The following EPC1 variants were observed in gnomAD, a reference collection of about 807,000 sequenced individuals.
EPC1 encodes enhancer of polycomb homolog 1.
EPC1 carries 12 observed loss-of-function variants against 98.4 expected under a neutral mutation model. That is an observed-to-expected ratio of 0.12 (90% CI 0.08 to 0.20). EPC1 has a LOEUF of 0.20. EPC1 is among the 10% of genes least tolerant of loss of function. The pLI is 1.00. For synonymous variants in EPC1, 357 were observed against 363.9 expected (o/e 0.98, Z 0.21); for missense variants, 729 against 990.5 (o/e 0.74, Z 3.54).
At chr10:32,328,654 C>T (rs981117349) in intron 1 of EPC1, among the ~76,000 whole-genome samples, 7 of 152,166 alleles carry the variant, frequency 4.6e-5, no homozygotes, top group African/African-American at 7.2e-5. Flanking sequence ...GGGAGTTCCC[C>T]ACCAGGGAGC....
intron 1 of EPC1, among the ~76,000 whole-genome samples, chr10:32,371,886 G>C (rs1341484181): frequency 2.7e-5 from 4 of 147,448 alleles, no homozygotes; most frequent in African/African-American, 7.3e-5. Flanking sequence ...CTGGGCAGCA[G>C]AGGGAGACTC....
rs115152782 is a variant in EPC1 at position 32,288,117 on chromosome 10, A to G, written c.976-843T>C. Among the ~76,000 whole-genome samples the G allele has an allele frequency of 8.2e-3, 1,242 of 152,258 alleles. 16 individuals are homozygous for G. The highest frequency in any genetic ancestry group is 0.029 in the African/African-American group (1,189 of 41,528). On this transcript the variant is annotated intron_variant, in intron 6 of 13. Coordinates refer to ENST00000319778, the MANE Select transcript of EPC1 (RefSeq NM_001272004.3). Reference sequence around the variant, plus strand: ...ATTCATGTTACATTTTATGTAGTTTATGACATTATGGTTTTTTGGGAAAAC... The same window carrying G: ...ATTCATGTTACATTTTATGTAGTTTGTGACATTATGGTTTTTTGGGAAAAC...
intron 2 of EPC1, among the ~76,000 whole-genome samples, chr10:32,294,645 T>C (rs1340892320): frequency 6.6e-6 from 1 of 152,218 alleles, no homozygotes; most frequent in Non-Finnish European, 1.5e-5. Context: ...GGGAGGATCT[T>C]AGATCTGCAA....
intron 1 of EPC1, among the ~76,000 whole-genome samples, chr10:32,327,392 T>C (rs1168997486): frequency 6.6e-6 from 1 of 152,152 alleles, no homozygotes; most frequent in Non-Finnish European, 1.5e-5. Context: ...TATTGGACAG[T>C]AGAGTGACTA....
intron 13 of EPC1, among the ~76,000 whole-genome samples, chr10:32,271,327 CAT>C (rs924448722): frequency 2.0e-4 from 30 of 152,084 alleles, no homozygotes; most frequent in Non-Finnish European, 2.1e-4. Context: ...TGTTCCAAAT[CAT>C]ATATGCAACA....
chr10:32,291,235 G>A lies in EPC1; in HGVS notation c.903C>T (p.Ile301=). Residue 301 remains isoleucine (I), a synonymous_variant, in exon 6 of 14, where the codon ATC becomes ATT. Transcript: ENST00000319778. ...QPMKPTYAIP[I]IPITNSSQFK... is the part of the protein sequence containing the mutation. ...ATTGACTGCTATTAGTAATAGGGATGATGGGGATGGCATAAGTAGGTTTCA... is the reference window on the plus strand; with the variant it reads ...ATTGACTGCTATTAGTAATAGGGATAATGGGGATGGCATAAGTAGGTTTCA... The A allele has an allele frequency of 6.2e-7, 1 of 1,613,864 alleles. No individual in the cohort carries two copies. The highest frequency in any genetic ancestry group is 8.5e-7 in the Non-Finnish European group (1 of 1,179,808).
intron 1 of EPC1, among the ~76,000 whole-genome samples, chr10:32,323,078 T>C (rs1407536748): frequency 6.6e-6 from 1 of 151,458 alleles, no homozygotes; most frequent in Non-Finnish European, 1.5e-5. Context: ...CATTGTATGC[T>C]TGTATCAAAA....
rs1331966236 is a variant in EPC1, at chr10:32,286,963, A to T, written c.1205T>A (p.Phe402Tyr). 3.1e-6 allele frequency: 5 copies of T among 1,613,834 alleles called. No homozygotes were observed. The highest frequency in any genetic ancestry group is 4.2e-6 in the Non-Finnish European group (5 of 1,179,970). ...ACAGCCTGCTTTCCTACGGAAAGCA[A>T]AAGGACCATCAGGATCATTGTCTTC... is the stretch of plus-strand genomic sequence containing the variant. Reference protein sequence around the residue: ...AEEDNDPDGPFAFRRKAGCQY... With the variant: ...AEEDNDPDGPYAFRRKAGCQY... The change falls in exon 8 of 14, where the codon TTT becomes TAT. Residue 402 changes from phenylalanine to tyrosine, a missense_variant. Around this residue, in one of 6 missense-constraint regions of EPC1, gnomAD observed 390 missense variants for 438.6 expected, o/e 0.89. Transcript: ENST00000319778.
chr10:32,343,857 C>T (rs897004443), intron 1 of EPC1, among the ~76,000 whole-genome samples: 7 of 152,084 alleles, frequency 4.6e-5, no homozygotes, highest in African/African-American at 1.4e-4. Flanking sequence ...CAAGTATATC[C>T]AGAAACAACG....
intron 1 of EPC1, among the ~76,000 whole-genome samples, chr10:32,366,347 A>G (rs1489510018): frequency 6.6e-6 from 1 of 152,190 alleles, no homozygotes; most frequent in East Asian, 1.9e-4. Flanking sequence ...ACAAGCAGGC[A>G]CACCCTGCTT....
intron 1 of EPC1, among the ~76,000 whole-genome samples, chr10:32,332,167 CT>C (rs981968294): frequency 2.0e-5 from 3 of 152,148 alleles, no homozygotes; most frequent in Non-Finnish European, 4.4e-5. Context: ...ATAAATGAAT[CT>C]GTTTTCCAAA....
chr10:32,334,119 T>C (rs1837806892), intron 1 of EPC1, among the ~76,000 whole-genome samples: 2 of 152,352 alleles, frequency 1.3e-5, no homozygotes, highest in South Asian at 4.1e-4. Context: ...CACCTAGGAA[T>C]TGAGACTCAC....
At chr10:32,347,563 G>GGGGCTCGGA (rs1838938244), upstream of EPC1, 1 of 152,036 alleles carries the variant, frequency 6.6e-6, no homozygotes, top group Admixed American at 6.6e-5. Context: ...CCGGGCACCT[G>GGGGCTCGGA]GGGCTCGGAG....
chr10:32,309,630 C>T (rs1434839584), intron 1 of EPC1, among the ~76,000 whole-genome samples: 2 of 142,480 alleles, frequency 1.4e-5, no homozygotes, highest in South Asian at 2.3e-4. Context: ...CCAAGGCAGG[C>T]GGATCACTTG....
At chr10:32,278,460 C>G (rs1836225217) in intron 10 of EPC1, among the ~76,000 whole-genome samples, 1 of 113,966 alleles carries the variant, frequency 8.8e-6, no homozygotes, top group Admixed American at 9.5e-5. Flanking sequence ...CGGCTCACTG[C>G]AAGCTCCGCC....
At chr10:32,361,849 G>T (rs375057907) in intron 1 of EPC1, among the ~76,000 whole-genome samples, 1 of 152,202 alleles carries the variant, frequency 6.6e-6, no homozygotes, top group Non-Finnish European at 1.5e-5. Flanking sequence ...CACAGGATGA[G>T]ATAGGAGGTC....
At chr10:32,329,105 T>C (rs1015489639) in intron 1 of EPC1, among the ~76,000 whole-genome samples, 2 of 152,226 alleles carry the variant, frequency 1.3e-5, no homozygotes, top group Admixed American at 1.3e-4. Flanking sequence ...GACAAGATTG[T>C]ACCTCCTGGC....
chr10:32,357,735 T>C (rs1839318774), intron 1 of EPC1, among the ~76,000 whole-genome samples: 2 of 152,004 alleles, frequency 1.3e-5, no homozygotes, highest in African/African-American at 4.8e-5. Flanking sequence ...GCTGGGATCA[T>C]AGGTGTGATT....
chr10:32,321,477 T>C (rs1836913437), intron 1 of EPC1, among the ~76,000 whole-genome samples: 1 of 151,994 alleles, frequency 6.6e-6, no homozygotes, highest in South Asian at 2.1e-4. Context: ...CTCTGCCTCC[T>C]AAGTAGCTGG....
Sources: allele counts gnomAD v4.1 joint callset (sites outside exome capture counted in the v4.1 genomes callset), GRCh38; gene constraint gnomAD v4.1.1; regional missense constraint gnomAD v4.1.1; transcripts MANE v1.5; gene names NCBI Gene and HGNC (gene_info 2026-07-23, HGNC 2026-07-21).